Variants in IMMP2L observed in about 807,000 individuals in gnomAD.
IMMP2L encodes inner mitochondrial membrane peptidase subunit 2.
In IMMP2L, 18 loss-of-function variants were observed where a neutral mutation model predicts 19.3. That is an observed-to-expected ratio of 0.93 (90% CI 0.64 to 1.38). The LOEUF (loss-of-function observed/expected upper bound fraction) is 1.38, where lower values mean the gene tolerates loss of function less well. Ranked by LOEUF, IMMP2L falls within the 40% of genes most tolerant of loss-of-function variation. The pLI, the probability that IMMP2L is intolerant of heterozygous loss-of-function variation, is 0.00. For missense variants in IMMP2L, 233 were observed against 218.2 expected (o/e 1.07, Z -0.43); for synonymous variants, 76 against 73.0 (o/e 1.04, Z -0.21).
At chr7:110,888,491 G>T (rs1810454533) in intron 4 of IMMP2L, among the ~76,000 whole-genome samples, 1 of 152,054 alleles carries the variant, frequency 6.6e-6, no homozygotes, top group Admixed American at 6.6e-5. Flanking sequence ...AACCATTCAA[G>T]AATTACAAAG....
chr7:111,111,465 C>T (rs1483058423), intron 3 of IMMP2L, among the ~76,000 whole-genome samples: 2 of 150,826 alleles, frequency 1.3e-5, no homozygotes, highest in Non-Finnish European at 3.0e-5. Context: ...TTTTAGCCCT[C>T]TCTATTCAAC....
At chr7:110,914,797 T>A (rs908181638) in intron 4 of IMMP2L, among the ~76,000 whole-genome samples, 2 of 149,970 alleles carry the variant, frequency 1.3e-5, no homozygotes, top group African/African-American at 2.5e-5. Context: ...GCATTTTTTT[T>A]ATAATACATA....
At chr7:111,058,706 T>C (rs565099819) in intron 3 of IMMP2L, among the ~76,000 whole-genome samples, 43 of 152,278 alleles carry the variant, frequency 2.8e-4, no homozygotes, top group African/African-American at 1.0e-3. Context: ...AGAATACTTA[T>C]ACAAATTATT....
intron 3 of IMMP2L, among the ~76,000 whole-genome samples, chr7:111,284,670 T>C (rs1320010326): frequency 6.6e-6 from 1 of 152,040 alleles, no homozygotes; most frequent in South Asian, 2.1e-4. Flanking sequence ...ATAAGAAAGG[T>C]TGCAGGCACT....
At chr7:111,410,575 G>A (rs1834316978) in intron 3 of IMMP2L, among the ~76,000 whole-genome samples, 1 of 149,168 alleles carries the variant, frequency 6.7e-6, no homozygotes, top group Non-Finnish European at 1.5e-5. Flanking sequence ...CCCACAACTA[G>A]GAGAAAAATC....
chr7:110,804,711 C>T (rs1449028444), intron 5 of IMMP2L, among the ~76,000 whole-genome samples: 2 of 152,064 alleles, frequency 1.3e-5, no homozygotes, highest in Non-Finnish European at 2.9e-5. Context: ...ATCAGCTTTC[C>T]CCGGACTTCC....
chr7:110,985,713 C>T (rs1821790910), intron 3 of IMMP2L, among the ~76,000 whole-genome samples: 1 of 151,988 alleles, frequency 6.6e-6, no homozygotes, highest in Non-Finnish European at 1.5e-5. Flanking sequence ...TCAGTTTTCC[C>T]CCTCAACTGA....
chr7:110,774,230 C>T (rs1490668465), intron 5 of IMMP2L, among the ~76,000 whole-genome samples: 2 of 152,090 alleles, frequency 1.3e-5, no homozygotes, highest in South Asian at 2.1e-4. Flanking sequence ...TACCTAAAAC[C>T]TGTTTTTCCT....
chr7:110,994,360 T>C (rs894375091), intron 3 of IMMP2L, among the ~76,000 whole-genome samples: 2 of 152,138 alleles, frequency 1.3e-5, no homozygotes, highest in Non-Finnish European at 2.9e-5. Flanking sequence ...GTGTTCTTTT[T>C]AGCAATATAA....
intron 3 of IMMP2L, among the ~76,000 whole-genome samples, chr7:111,294,158 G>T (rs900414621): frequency 1.3e-5 from 2 of 151,698 alleles, no homozygotes; most frequent in African/African-American, 4.8e-5. Context: ...TTAAAGTTTG[G>T]GTTATTTTCT....
intron 5 of IMMP2L, among the ~76,000 whole-genome samples, chr7:110,706,043 T>C (rs1016372824): frequency 2.6e-5 from 4 of 152,056 alleles, no homozygotes; most frequent in African/African-American, 9.7e-5. Context: ...ACATGTCTTT[T>C]TGGTAGAATG....
intron 3 of IMMP2L, among the ~76,000 whole-genome samples, chr7:111,005,865 T>C (rs1824230580): frequency 6.6e-6 from 1 of 152,194 alleles, no homozygotes; most frequent in Non-Finnish European, 1.5e-5. Context: ...AATCAATCAT[T>C]CTTTCTAGCT....
intron 2 of IMMP2L, among the ~76,000 whole-genome samples, chr7:111,487,951 A>G (rs745851511): frequency 6.6e-6 from 1 of 152,138 alleles, no homozygotes; most frequent in Non-Finnish European, 1.5e-5. Context: ...GAGAAGTCTA[A>G]CTGTGCCTGA....
intron 3 of IMMP2L, among the ~76,000 whole-genome samples, chr7:111,030,882 G>GTATA (rs1433075786): frequency 2.0e-5 from 1 of 50,778 alleles, no homozygotes; most frequent in East Asian, 4.6e-4. Flanking sequence ...GTGTGTGTGT[G>GTATA]TGTATATATA....
chr7:111,095,188 G>A (rs957963615), intron 3 of IMMP2L, among the ~76,000 whole-genome samples: 2 of 151,954 alleles, frequency 1.3e-5, no homozygotes, highest in African/African-American at 4.8e-5. Context: ...TTTTTGAACT[G>A]AAAGAGACAT....
chr7:110,900,114 G>A (rs946483742), intron 4 of IMMP2L, among the ~76,000 whole-genome samples: 5 of 152,020 alleles, frequency 3.3e-5, no homozygotes, highest in Non-Finnish European at 5.9e-5. Context: ...ATCTCCACTG[G>A]GTTCATATGG....
chr7:110,692,123 C>A (rs2130551720), intron 5 of IMMP2L, among the ~76,000 whole-genome samples: 1 of 152,190 alleles, frequency 6.6e-6, no homozygotes, highest in South Asian at 2.1e-4. Context: ...ACTCCCCCCA[C>A]AACACACACA....
Position 111,015,373 on chromosome 7 carries a change from A to G in IMMP2L, c.240-51808T>C, listed in dbSNP as rs116584808. On this transcript the variant is annotated intron_variant, in intron 3 of 5. Coordinates refer to ENST00000405709, the MANE Select transcript of IMMP2L (RefSeq NM_032549.4). ...ACTAGTTAATATCATAGATACAGCA[A>G]GTAGAATGGTGGTTACCAGTGGCAA... Among the ~76,000 whole-genome samples the G allele has an allele frequency of 5.7e-3, 867 of 152,256 alleles. 11 individuals carry two copies. The highest frequency in any genetic ancestry group is 0.02 in the African/African-American group (837 of 41,558).
At chr7:111,049,780 G>A (rs1199008662) in intron 3 of IMMP2L, among the ~76,000 whole-genome samples, 4 of 152,140 alleles carry the variant, frequency 2.6e-5, no homozygotes, top group East Asian at 3.9e-4. Context: ...TGCAAAGGAC[G>A]CAGTCAAAAG....
Sources: gnomAD v4.1 joint callset for allele counts (sites outside exome capture counted in the v4.1 genomes callset) on GRCh38, gnomAD v4.1.1 for gene constraint, MANE v1.5 for transcripts, NCBI Gene and HGNC (gene_info 2026-07-23, HGNC 2026-07-21) for gene names.